Variants in NFIB observed in about 807,000 individuals in gnomAD.
NFIB encodes the protein nuclear factor 1 B-type.
NFIB carries 11 observed loss-of-function variants against 61.5 expected under a neutral mutation model. That is an observed-to-expected ratio of 0.18 (90% CI 0.11 to 0.30). NFIB has a LOEUF of 0.30. NFIB is among the 10% of genes least tolerant of loss of function. NFIB has a pLI of 1.00. For missense variants in NFIB, 471 were observed against 608.9 expected (o/e 0.77, Z 2.38); for synonymous variants, 260 against 216.5 (o/e 1.20, Z -1.76).
chr9:14,426,774 C>T, the NFIB span, among the ~76,000 whole-genome samples: 1 of 152,116 alleles, frequency 6.6e-6, no homozygotes, highest in Admixed American at 6.5e-5. Flanking sequence ...ATGGGCCCCT[C>T]CCATATCACA....
At chr9:14,315,349 G>A (rs1464431128), upstream of NFIB, among the ~76,000 whole-genome samples, 1 of 150,758 alleles carries the variant, frequency 6.6e-6, no homozygotes, top group Non-Finnish European at 1.5e-5. Flanking sequence ...GGAGGACCGG[G>A]CCGAGCCGCC....
intron 2 of NFIB, among the ~76,000 whole-genome samples, chr9:14,263,729 T>C (rs979536762): frequency 3.3e-5 from 5 of 152,152 alleles, no homozygotes; most frequent in East Asian, 3.8e-4. Context: ...AAATTCAGAA[T>C]TGGAGTTTAG....
At chr9:14,327,161 G>A (rs1210221068) in intron 1 of NFIB, among the ~76,000 whole-genome samples, 1 of 152,034 alleles carries the variant, frequency 6.6e-6, no homozygotes, top group Non-Finnish European at 1.5e-5. Context: ...AAATTAGTGA[G>A]GCAACAGGAT....
chr9:14,214,653 G>A (rs1453010269), intron 2 of NFIB, among the ~76,000 whole-genome samples: 11 of 152,162 alleles, frequency 7.2e-5, no homozygotes, highest in Non-Finnish European at 1.6e-4. Context: ...TTAAACACAT[G>A]ATGCTAATTT....
intron 2 of NFIB, among the ~76,000 whole-genome samples, chr9:14,267,657 T>C (rs1169659727): frequency 1.3e-5 from 2 of 152,214 alleles, no homozygotes. Flanking sequence ...GACTTGCTTA[T>C]AAATTTGTTG....
intron 2 of NFIB, among the ~76,000 whole-genome samples, chr9:14,275,031 T>C (rs1487182961): frequency 4.6e-5 from 7 of 152,218 alleles, no homozygotes. Context: ...TCAACAGTCA[T>C]AGACCATGAA....
chr9:14,090,954 G>T (rs1020228259), intron 10 of NFIB, among the ~76,000 whole-genome samples: 13 of 151,974 alleles, frequency 8.6e-5, no homozygotes, highest in Non-Finnish European at 1.8e-4. Flanking sequence ...TTTGGAAAAT[G>T]TTCAATAAAA....
chr9:14,296,700 G>A (rs975626797), intron 2 of NFIB, among the ~76,000 whole-genome samples: 4 of 152,190 alleles, frequency 2.6e-5, no homozygotes, highest in African/African-American at 7.2e-5. Context: ...CTCTGCTCCT[G>A]GGCTTCCAGC....
chr9:14,196,632 TGAAA>T (rs2048500045), intron 2 of NFIB, among the ~76,000 whole-genome samples: 1 of 151,736 alleles, frequency 6.6e-6, no homozygotes. Flanking sequence ...CAAGGCTCCT[TGAAA>T]TCAGGTTGAA....
At chr9:14,123,777 G>T (rs2039261464) in intron 7 of NFIB, among the ~76,000 whole-genome samples, 1 of 150,110 alleles carries the variant, frequency 6.7e-6, no homozygotes, top group African/African-American at 2.5e-5. Context: ...TTGCCCCTCT[G>T]CCTCCCAGTT....
chr9:14,178,087 T>C (rs544635991), intron 3 of NFIB, among the ~76,000 whole-genome samples: 10 of 152,302 alleles, frequency 6.6e-5, no homozygotes, highest in Admixed American at 1.3e-4. Context: ...GTCCGACTTA[T>C]AATAGCTATC....
At chr9:14,357,020 A>C (rs901754090) in intron 1 of NFIB, 1 of 152,220 alleles carries the variant, frequency 6.6e-6, no homozygotes, top group Non-Finnish European at 1.5e-5. Context: ...GTAAATTTTA[A>C]AAGAAGTAAT....
intron 2 of NFIB, among the ~76,000 whole-genome samples, chr9:14,296,754 C>T (rs186976086): frequency 6.6e-6 from 1 of 152,168 alleles, no homozygotes; most frequent in Non-Finnish European, 1.5e-5. Context: ...GTAAGTCACA[C>T]AGTTTATGTT....
At chr9:14,384,748 G>C (rs180718832) in intron 1 of NFIB, among the ~76,000 whole-genome samples, 1 of 151,894 alleles carries the variant, frequency 6.6e-6, no homozygotes, top group African/African-American at 2.4e-5. Flanking sequence ...TCTATTCATG[G>C]CCTGGTATCA....
intron 1 of NFIB, among the ~76,000 whole-genome samples, chr9:14,333,600 C>T (rs1254446114): frequency 3.9e-5 from 6 of 152,172 alleles, no homozygotes; most frequent in Non-Finnish European, 5.9e-5. Flanking sequence ...CTTCAGCAGC[C>T]TTGGCCTAAG....
the NFIB span, among the ~76,000 whole-genome samples, chr9:14,441,596 CTTT>C: frequency 6.7e-6 from 1 of 149,518 alleles, no homozygotes. Context: ...TCTTCTTCCT[CTTT>C]TTTTTTTTCC....
the NFIB span, among the ~76,000 whole-genome samples, chr9:14,452,159 A>T: frequency 1.7e-4 from 26 of 152,060 alleles, no homozygotes; most frequent in Non-Finnish European, 2.6e-4. Flanking sequence ...TCGTGTTTCT[A>T]ATGAGTAATA....
At chr9:14,481,843 A>G in the NFIB span, among the ~76,000 whole-genome samples, 1 of 152,118 alleles carries the variant, frequency 6.6e-6, no homozygotes. Context: ...TTGGTCCCCA[A>G]CACCAGGTGC....
At chr9:14,309,412 A>G (rs753587350) in intron 1 of NFIB, among the ~76,000 whole-genome samples, 5 of 152,224 alleles carry the variant, frequency 3.3e-5, no homozygotes, top group Non-Finnish European at 7.3e-5. Flanking sequence ...CTTCACCAGA[A>G]TAAGTATGAA....
Sources: gnomAD v4.1 joint callset for allele counts (sites outside exome capture counted in the v4.1 genomes callset) on GRCh38, gnomAD v4.1.1 for gene constraint, MANE v1.5 for transcripts, NCBI Gene and HGNC (gene_info 2026-07-23, HGNC 2026-07-21) for gene names.